SLC9A9: variants seen among roughly 807,000 people sequenced by gnomAD.
SLC9A9 encodes solute carrier family 9 member A9.
SLC9A9 carries 62 observed loss-of-function variants against 77.8 expected under a neutral mutation model. The observed-to-expected ratio is 0.80, with a 90% CI of 0.65 to 0.98. The LOEUF (loss-of-function observed/expected upper bound fraction) is 0.98. Ranked by LOEUF, SLC9A9 falls within the 50% of genes least tolerant of loss-of-function variation. The pLI is 0.00. For synonymous variants in SLC9A9, 320 were observed against 283.5 expected, an observed-to-expected ratio of 1.13 and a Z score of -1.29; for missense variants, 775 against 774.9, an observed-to-expected ratio of 1.00 and a Z score of 0.00.
chr3:143,753,597 A>G (rs1026915366), intron 4 of SLC9A9, among the ~76,000 whole-genome samples: 7 of 152,196 alleles, frequency 4.6e-5, no homozygotes, highest in African/African-American at 1.4e-4. Context: ...GTGGTTATCT[A>G]GAGGGTGCTG....
chr3:143,692,158 T>C (rs1451066013), intron 5 of SLC9A9, among the ~76,000 whole-genome samples: 1 of 151,622 alleles, frequency 6.6e-6, no homozygotes, highest in Admixed American at 6.6e-5. Context: ...ACAAATTACC[T>C]CTTTTTTTTT....
chr3:143,773,237 A>C (rs2007585178), intron 4 of SLC9A9, among the ~76,000 whole-genome samples: 2 of 152,094 alleles, frequency 1.3e-5, no homozygotes, highest in Non-Finnish European at 2.9e-5. Flanking sequence ...TGGAGTAAGT[A>C]CTCACACAAT....
intron 6 of SLC9A9, among the ~76,000 whole-genome samples, chr3:143,593,215 T>C (rs931351864): frequency 1.3e-5 from 2 of 152,202 alleles, no homozygotes; most frequent in Non-Finnish European, 2.9e-5. Flanking sequence ...GGGCTCCTCC[T>C]GGGAGCACAG....
chr3:143,552,297 A>G (rs1239287506), intron 9 of SLC9A9, 65 bp downstream of exon 9: 7 of 1,184,382 alleles, frequency 5.9e-6, no homozygotes, highest in Non-Finnish European at 8.6e-6. Flanking sequence ...CTATACTGCC[A>G]GAATTGCTAC....
chr3:143,434,510 T>G (rs1290104613), intron 12 of SLC9A9, among the ~76,000 whole-genome samples: 1 of 152,136 alleles, frequency 6.6e-6, no homozygotes, highest in Non-Finnish European at 1.5e-5. Context: ...AGTGTTCGAT[T>G]GCAACTTCTA....
chr3:143,274,801 C>CAATT (rs1449386659), intron 14 of SLC9A9, among the ~76,000 whole-genome samples: 1 of 152,184 alleles, frequency 6.6e-6, no homozygotes, highest in East Asian at 1.9e-4. Flanking sequence ...GCTACCATAA[C>CAATT]AATTACCTAA....
chr3:143,522,435 T>C (rs1303807962), intron 9 of SLC9A9, among the ~76,000 whole-genome samples: 2 of 152,168 alleles, frequency 1.3e-5, no homozygotes, highest in Non-Finnish European at 2.9e-5. Flanking sequence ...AAATCTAATA[T>C]GGCCACCACA....
chr3:143,848,429 C>T lies in SLC9A9; in HGVS notation c.-107G>A. 2 of 1,425,904 alleles carry T rather than the reference C, an allele frequency of 1.4e-6. No homozygotes were observed. Among genetic ancestry groups the T allele is most frequent in the Non-Finnish European group, 9.8e-7 (1 of 1,015,234 alleles). 88.3% of individuals were successfully genotyped at this position (1,425,904 alleles called of 1,614,324 possible). A position where few individuals can be genotyped will look rare whatever the true frequency, so the allele number is the denominator to read the frequency against. On this transcript the variant is annotated 5_prime_UTR_variant, in exon 1 of 16. Coordinates refer to ENST00000316549, the MANE Select transcript of SLC9A9 (RefSeq NM_173653.4). ...CCTGAGAATTTCAGAAGAAACACTG[C>T]CACTTTAGTTGCTACTTCACAAGCA...
At chr3:143,441,048 G>GT (rs957631622) in intron 12 of SLC9A9, among the ~76,000 whole-genome samples, 157 of 152,172 alleles carry the variant, frequency 1.0e-3, no homozygotes, top group African/African-American at 3.6e-3. Context: ...TGTTAACCCA[G>GT]TTTTTTTCTT....
At chr3:143,417,151 A>G (rs949417467) in intron 12 of SLC9A9, among the ~76,000 whole-genome samples, 1 of 152,070 alleles carries the variant, frequency 6.6e-6, no homozygotes, top group Non-Finnish European at 1.5e-5. Flanking sequence ...GAGAGAATCT[A>G]TTGCTCAGGG....
intron 12 of SLC9A9, among the ~76,000 whole-genome samples, chr3:143,440,262 CAA>C (rs2034704979): frequency 6.6e-6 from 1 of 152,164 alleles, no homozygotes; most frequent in South Asian, 2.1e-4. Flanking sequence ...GGGAAATCAA[CAA>C]AGTCCTTTAA....
chr3:143,574,452 T>C (rs557711690), intron 7 of SLC9A9, among the ~76,000 whole-genome samples: 1 of 152,300 alleles, frequency 6.6e-6, no homozygotes, highest in African/African-American at 2.4e-5. Flanking sequence ...CCTAAGACTA[T>C]AAATTCAGCT....
At chr3:143,731,195 G>T (rs2108810131) in intron 4 of SLC9A9, among the ~76,000 whole-genome samples, 1 of 152,322 alleles carries the variant, frequency 6.6e-6, no homozygotes, top group Middle Eastern at 3.4e-3. Flanking sequence ...CACCAATAGG[G>T]ATTTACTATT....
At chr3:143,829,090 C>T (rs896326723) in intron 2 of SLC9A9, among the ~76,000 whole-genome samples, 2 of 152,090 alleles carry the variant, frequency 1.3e-5, no homozygotes, top group African/African-American at 4.8e-5. Context: ...GATTTTAGTG[C>T]TTAATTTCTT....
chr3:143,503,051 G>A (rs926369981), intron 9 of SLC9A9, among the ~76,000 whole-genome samples: 1 of 152,176 alleles, frequency 6.6e-6, no homozygotes, highest in African/African-American at 2.4e-5. Flanking sequence ...TTGCTCCTAC[G>A]ATTTAATTTA....
chr3:143,832,131 C>A lies in SLC9A9; in HGVS notation c.266G>T (p.Ser89Ile). 1 of 1,613,154 alleles carries A rather than the reference C, an allele frequency of 6.2e-7. No homozygotes were observed. Among genetic ancestry groups the A allele is most frequent in the East Asian group, 2.2e-5 (1 of 44,776 alleles). Residue 89 changes from serine to isoleucine, a missense_variant, in exon 2 of 16, where the codon AGT becomes ATT. Physicochemically the swap from Ser to Ile is moderately radical, Grantham distance 142 (BLOSUM62 -2). Coordinates refer to ENST00000316549, the MANE Select transcript of SLC9A9 (RefSeq NM_173653.4). ...TVYDCVKLTF[S>I]PSTLLVNITD... Reference sequence around the variant, plus strand: ...GATATTAACCAGCAGAGTTGATGGACTGAAAGTTAGTTTTACACAGTCATA... The same window carrying A: ...GATATTAACCAGCAGAGTTGATGGAATGAAAGTTAGTTTTACACAGTCATA...
intron 2 of SLC9A9, among the ~76,000 whole-genome samples, chr3:143,797,479 T>C (rs978471700): frequency 1.3e-5 from 2 of 152,114 alleles, no homozygotes; most frequent in African/African-American, 4.8e-5. Context: ...AGCCATCATA[T>C]CCCCTGTGAC....
intron 8 of SLC9A9, among the ~76,000 whole-genome samples, chr3:143,568,943 A>G (rs1406182026): frequency 6.6e-6 from 1 of 152,188 alleles, no homozygotes; most frequent in Non-Finnish European, 1.5e-5. Flanking sequence ...ACCCCAAAAT[A>G]TAAAGTAGCT....
intron 12 of SLC9A9, among the ~76,000 whole-genome samples, chr3:143,420,920 T>A (rs2034287036): frequency 6.6e-6 from 1 of 152,158 alleles, no homozygotes; most frequent in South Asian, 2.1e-4. Flanking sequence ...CTAGACCTGA[T>A]AAACAATTTT....
Sources: allele counts gnomAD v4.1 joint callset (sites outside exome capture counted in the v4.1 genomes callset), GRCh38; gene constraint gnomAD v4.1.1; transcripts MANE v1.5; gene names NCBI Gene and HGNC (gene_info 2026-07-23, HGNC 2026-07-21).